RBM20: variants seen among roughly 807,000 people sequenced by gnomAD.
RBM20 encodes RNA binding motif protein 20, also known as RNA-binding protein 20.
A neutral mutation model predicts 110.1 loss-of-function variants in RBM20; 51 were observed. That is an observed-to-expected ratio of 0.46 (90% confidence interval 0.37 to 0.59). The LOEUF (loss-of-function observed/expected upper bound fraction) is 0.59. Ranked by LOEUF, RBM20 falls within the 20% of genes least tolerant of loss-of-function variation. The pLI is 0.00. For missense variants in RBM20, 1,512 were observed against 1,574.9 expected, an observed-to-expected ratio of 0.96 and a Z score of 0.68; for synonymous variants, 589 against 618.2, an observed-to-expected ratio of 0.95 and a Z score of 0.70.
chr10:110,734,618 C>CATTTTTTTTTTTTTTTTTTT (rs34824300), intron 1 of RBM20, among the ~76,000 whole-genome samples: 1 of 136,532 alleles, frequency 7.3e-6, no homozygotes, highest in African/African-American at 2.7e-5. Flanking sequence ...AAAATTCCCT[C>CATTTTTTTTTTTTTTTTTTT]TTTTTTTTTT....
chr10:110,681,238 C>T (rs1257563555), intron 1 of RBM20, among the ~76,000 whole-genome samples: 1 of 152,168 alleles, frequency 6.6e-6, no homozygotes, highest in Non-Finnish European at 1.5e-5. Context: ...GCTGTTAGAC[C>T]ACGTCTCCTC....
At chr10:110,754,156 G>A (rs538216173) in intron 1 of RBM20, among the ~76,000 whole-genome samples, 72 of 152,202 alleles carry the variant, frequency 4.7e-4, no homozygotes, top group African/African-American at 1.5e-3. Context: ...TTCTTTCAGC[G>A]TATTAAAGAT....
intron 1 of RBM20, among the ~76,000 whole-genome samples, chr10:110,685,265 C>T (rs1862486235): frequency 6.6e-6 from 1 of 152,156 alleles, no homozygotes. Context: ...GTGCTCAGCG[C>T]GTTTCATGTA....
intron 1 of RBM20, among the ~76,000 whole-genome samples, chr10:110,762,814 C>T (rs1049772207): frequency 3.3e-5 from 5 of 152,146 alleles, no homozygotes; most frequent in Non-Finnish European, 5.9e-5. Flanking sequence ...TGTGGTGGGG[C>T]GCTTTTCAAT....
chr10:110,644,578 C>T lies in RBM20; in HGVS notation c.124C>T (p.Gln42Ter). The change falls in exon 1 of 14, where the codon CAG becomes TAG. Residue 42 changes from glutamine (Q) to a stop codon, truncating the protein, a stop_gained. Transcript: ENST00000369519. LOFTEE classifies it high-confidence loss of function. The surrounding 1 kb of genome is among the most constrained non-coding windows in gnomAD (Gnocchi z 4.3). ...SPAPSGPRGM[Q>*]QPPPPPQPPP... The stretch of plus-strand genomic sequence containing the variant: ...GGCACCCTCCGGCCCGCGAGGGATG[C>T]AGCAGCCGCCGCCGCCGCCCCAGCC... 2 of 1,526,292 alleles carry T rather than the reference C, an allele frequency of 1.3e-6. No individual in the cohort carries two copies. Among genetic ancestry groups the T allele is most frequent in the East Asian group, 2.6e-5 (1 of 39,120 alleles). The allele number at this position is 1,526,292 out of a possible 1,614,324, so 94.5% of individuals were successfully genotyped here.
Position 110,780,756 on chromosome 10 carries a change from C to CT in RBM20, c.192-44dup, listed in dbSNP as rs1217785682. On this transcript the variant is annotated intron_variant, in intron 1 of 13. Coordinates refer to ENST00000369519, the MANE Select transcript of RBM20 (RefSeq NM_001134363.3). ...TAACAAAGAACAGCCCCTTGCCCCC[C>CT]TCATTGAAAACCAGCTGTGCATCTA... 3 of 1,468,858 alleles carry CT rather than the reference C, an allele frequency of 2.0e-6. No individual in the cohort carries two copies. The South Asian group carries it at 4.3e-5, about 21-fold the overall frequency. 91.0% of individuals were successfully genotyped at this position (1,468,858 alleles called of 1,614,324 possible).
chr10:110,768,757 A>C (rs1844144253), intron 1 of RBM20, among the ~76,000 whole-genome samples: 2 of 152,260 alleles, frequency 1.3e-5, no homozygotes, highest in African/African-American at 4.8e-5. Context: ...ATTAGAAGGC[A>C]AAACTCCTCC....
intron 7 of RBM20, among the ~76,000 whole-genome samples, chr10:110,801,700 C>CTTTTTT (rs61281177): frequency 6.9e-5 from 8 of 116,744 alleles, no homozygotes; most frequent in African/African-American, 1.0e-4. Flanking sequence ...TGCCTGGCTA[C>CTTTTTT]TTTTTTTTTT....
chr10:110,655,277 C>A (rs1209416828), intron 1 of RBM20, among the ~76,000 whole-genome samples: 1 of 146,690 alleles, frequency 6.8e-6, no homozygotes, highest in Non-Finnish European at 1.5e-5. Flanking sequence ...CCCACCCCCG[C>A]CCTTTTTTTT....
chr10:110,698,172 T>A (rs1456416125), intron 1 of RBM20, among the ~76,000 whole-genome samples: 1 of 152,142 alleles, frequency 6.6e-6, no homozygotes, highest in African/African-American at 2.4e-5. Flanking sequence ...CCTCCCAAAG[T>A]GCTGGGATTA....
intron 1 of RBM20, among the ~76,000 whole-genome samples, chr10:110,687,371 A>G (rs775954205): frequency 2.6e-5 from 4 of 152,238 alleles, no homozygotes; most frequent in Non-Finnish European, 4.4e-5. Context: ...ATTAAGTTGG[A>G]TGATGTGACA....
At chr10:110,829,164 A>G (rs1157232503) in intron 12 of RBM20, among the ~76,000 whole-genome samples, 2 of 152,134 alleles carry the variant, frequency 1.3e-5, no homozygotes, top group African/African-American at 4.8e-5. Flanking sequence ...CCCCTCTCCT[A>G]TACTGCGGGG....
chr10:110,670,635 G>C (rs1862243510), intron 1 of RBM20, among the ~76,000 whole-genome samples: 1 of 152,218 alleles, frequency 6.6e-6, no homozygotes, highest in African/African-American at 2.4e-5. Context: ...TGGCAAGAGG[G>C]AGCCCCGCTC....
At chr10:110,661,925 C>T (rs926280529) in intron 1 of RBM20, among the ~76,000 whole-genome samples, 4 of 151,342 alleles carry the variant, frequency 2.6e-5, no homozygotes, top group Non-Finnish European at 4.4e-5. Context: ...GCAGGAGAAT[C>T]GCTTGAACCC....
chr10:110,729,407 CCAA>C (rs1241270918), intron 1 of RBM20, among the ~76,000 whole-genome samples: 2 of 152,160 alleles, frequency 1.3e-5, no homozygotes, highest in Non-Finnish European at 2.9e-5. Flanking sequence ...TTTTCAAATC[CCAA>C]CAACTTTCCA....
At chr10:110,801,321 G>A (rs1844620267) in intron 7 of RBM20, among the ~76,000 whole-genome samples, 1 of 151,936 alleles carries the variant, frequency 6.6e-6, no homozygotes, top group African/African-American at 2.4e-5. Flanking sequence ...CAGCTACTCG[G>A]GAGGCTGAGG....
In RBM20 at chr10:110,837,457, C is replaced by T. The variant is rs188169887; in HGVS notation, c.*1479C>T. The T allele has an allele frequency of 6.6e-6, 1 of 152,254 alleles. No homozygotes were observed. The highest frequency in any genetic ancestry group is 2.4e-5 in the African/African-American group (1 of 41,540). 9.4% of individuals were successfully genotyped at this position (152,254 alleles called of 1,614,324 possible). On this transcript the variant is annotated 3_prime_UTR_variant, in exon 14 of 14. Transcript: ENST00000369519. ...CTGAAAGCACCCTTCATAGCTTAGC[C>T]CAGGAAAAATAAAACAAGGAAGACA...
chr10:110,747,008 A>G (rs1208092848), intron 1 of RBM20, among the ~76,000 whole-genome samples: 1 of 152,194 alleles, frequency 6.6e-6, no homozygotes, highest in Non-Finnish European at 1.5e-5. Flanking sequence ...AACTGATAAC[A>G]TTTGATTAAG....
intron 3 of RBM20, 28 bp from the exon 4 acceptor site, chr10:110,784,313 G>A (rs1436391727): frequency 1.5e-5 from 23 of 1,487,380 alleles, no homozygotes; most frequent in South Asian, 3.6e-5. Context: ...TTATTAAGGA[G>A]CCGGTTTCCC....
Sources: allele counts gnomAD v4.1 joint callset (sites outside exome capture counted in the v4.1 genomes callset), GRCh38; gene constraint gnomAD v4.1.1; non-coding constraint Gnocchi (gnomAD v3.1); transcripts MANE v1.5; gene names NCBI Gene and HGNC (gene_info 2026-07-23, HGNC 2026-07-21).